PPARGC1A: variants seen among roughly 807,000 people sequenced by gnomAD.
PPARGC1A encodes the protein peroxisome proliferator-activated receptor gamma coactivator 1-alpha.
PPARGC1A carries 25 observed loss-of-function variants against 88.7 expected under a neutral mutation model. That is an observed-to-expected ratio of 0.28 (90% CI 0.21 to 0.39). The LOEUF (loss-of-function observed/expected upper bound fraction) is 0.39. Ranked by LOEUF, PPARGC1A falls within the 10% of genes least tolerant of loss-of-function variation. The pLI is 1.00. For synonymous variants in PPARGC1A, 363 were observed against 355.6 expected, an observed-to-expected ratio of 1.02 and a Z score of -0.24; for missense variants, 880 against 968.7, an observed-to-expected ratio of 0.91 and a Z score of 1.22.
the PPARGC1A span, among the ~76,000 whole-genome samples, chr4:24,470,931 A>AGGC: frequency 2.9e-4 from 44 of 151,514 alleles, 1 homozygote; most frequent in African/African-American, 9.2e-4. This position sits in a 1 kb window ranked among gnomAD's most constrained non-coding sequence, Gnocchi z 5.8. Flanking sequence ...GGTGATGCGG[A>AGGC]GGCGGCGGCG....
At chr4:23,945,954 C>G in the PPARGC1A span, among the ~76,000 whole-genome samples, 3 of 152,246 alleles carry the variant, frequency 2.0e-5, no homozygotes, top group Admixed American at 2.0e-4. Flanking sequence ...GCTAGAGATT[C>G]AGAACTGGTG....
chr4:23,991,713 A>G, the PPARGC1A span, among the ~76,000 whole-genome samples: 1 of 152,010 alleles, frequency 6.6e-6, no homozygotes, highest in Non-Finnish European at 1.5e-5. Flanking sequence ...AAGTTGCTCA[A>G]AACATCACAC....
chr4:24,285,775 G>A, the PPARGC1A span, among the ~76,000 whole-genome samples: 1 of 152,168 alleles, frequency 6.6e-6, no homozygotes, highest in Non-Finnish European at 1.5e-5. Flanking sequence ...GCAGGTCATT[G>A]GGTGTACAAA....
chr4:24,200,067 A>C, the PPARGC1A span, among the ~76,000 whole-genome samples: 2 of 152,354 alleles, frequency 1.3e-5, no homozygotes, highest in East Asian at 3.9e-4. Context: ...TTGCATTATC[A>C]ACACAGAGAA....
the PPARGC1A span, among the ~76,000 whole-genome samples, chr4:24,247,170 T>C: frequency 6.6e-6 from 1 of 152,306 alleles, no homozygotes; most frequent in South Asian, 2.1e-4. Flanking sequence ...TCATCAGTTC[T>C]CTAATGCCCT....
chr4:24,304,515 C>T, the PPARGC1A span, among the ~76,000 whole-genome samples: 3 of 152,182 alleles, frequency 2.0e-5, no homozygotes, highest in Non-Finnish European at 4.4e-5. Flanking sequence ...GGTTAAATTA[C>T]TTGACCAACT....
chr4:24,279,276 C>T, the PPARGC1A span, among the ~76,000 whole-genome samples: 2 of 152,142 alleles, frequency 1.3e-5, no homozygotes, highest in Non-Finnish European at 2.9e-5. Flanking sequence ...AAATGAGAAG[C>T]CTTGAGTTGA....
the PPARGC1A span, among the ~76,000 whole-genome samples, chr4:23,912,599 G>A: frequency 7.2e-5 from 11 of 152,016 alleles, no homozygotes; most frequent in African/African-American, 2.7e-4. Flanking sequence ...TCAGTTGAAG[G>A]CCTTAAGAGT....
chr4:24,398,774 T>C, the PPARGC1A span, among the ~76,000 whole-genome samples: 3,028 of 152,296 alleles, frequency 0.02, 98 homozygotes, highest in East Asian at 0.15. Flanking sequence ...CTCCAGGGGT[T>C]AATGTGCATT....
At chr4:24,027,126 G>A in the PPARGC1A span, among the ~76,000 whole-genome samples, 1 of 151,942 alleles carries the variant, frequency 6.6e-6, no homozygotes, top group Admixed American at 6.6e-5. Context: ...TACCAAGGAT[G>A]CCAAGAACCA....
upstream of PPARGC1A, among the ~76,000 whole-genome samples, chr4:23,890,511 C>T (rs1717669627): frequency 1.3e-5 from 2 of 151,332 alleles, no homozygotes; most frequent in South Asian, 2.1e-4. Context: ...TGGACTCAAG[C>T]TCAGTTTGGG....
At chr4:23,818,374 T>C (rs541069101) in intron 7 of PPARGC1A, among the ~76,000 whole-genome samples, 1 of 152,272 alleles carries the variant, frequency 6.6e-6, no homozygotes, top group South Asian at 2.1e-4. Context: ...ATTCAGACTA[T>C]AGCTTTTTTA....
chr4:24,434,240 G>A, the PPARGC1A span, among the ~76,000 whole-genome samples: 1 of 152,184 alleles, frequency 6.6e-6, no homozygotes, highest in African/African-American at 2.4e-5. Flanking sequence ...CAGTGATGAG[G>A]CCCCCTCAGG....
chr4:23,812,690 C>T, intron 10 of PPARGC1A, 57 bp downstream of exon 10: 1 of 1,600,640 alleles, frequency 6.2e-7, no homozygotes, highest in Non-Finnish European at 8.5e-7. Flanking sequence ...CCAAAAAAAG[C>T]ACACAGAAAA....
chr4:24,224,100 G>A, the PPARGC1A span, among the ~76,000 whole-genome samples: 1 of 152,146 alleles, frequency 6.6e-6, no homozygotes, highest in African/African-American at 2.4e-5. Flanking sequence ...GAAGGGGCAC[G>A]ACAGTGTCGT....
At chr4:23,913,182 A>G in the PPARGC1A span, among the ~76,000 whole-genome samples, 1 of 143,758 alleles carries the variant, frequency 7.0e-6, no homozygotes, top group African/African-American at 2.5e-5. Flanking sequence ...GATATATATC[A>G]TATTATATAT....
the PPARGC1A span, among the ~76,000 whole-genome samples, chr4:24,062,356 C>A: frequency 6.6e-6 from 1 of 152,098 alleles, no homozygotes; most frequent in Non-Finnish European, 1.5e-5. Context: ...TTTTGTTTAC[C>A]CGTAAATGAA....
the PPARGC1A span, among the ~76,000 whole-genome samples, chr4:24,151,690 A>T: frequency 2.0e-5 from 3 of 152,190 alleles, no homozygotes; most frequent in Non-Finnish European, 4.4e-5. Flanking sequence ...TACTAACCCT[A>T]TCCTACAGAT....
the PPARGC1A span, among the ~76,000 whole-genome samples, chr4:24,241,879 G>A: frequency 2.6e-5 from 4 of 152,182 alleles, no homozygotes; most frequent in South Asian, 2.1e-4. Context: ...TGTGGCTTCT[G>A]TATGTGGTTG....
Sources: gnomAD v4.1 joint callset for allele counts (sites outside exome capture counted in the v4.1 genomes callset) on GRCh38, gnomAD v4.1.1 for gene constraint, Gnocchi (gnomAD v3.1) non-coding constraint, MANE v1.5 for transcripts, NCBI Gene and HGNC (gene_info 2026-07-23, HGNC 2026-07-21) for gene names.